The following MERTK variants were observed in gnomAD, a reference collection of about 807,000 sequenced individuals.
MERTK encodes the protein tyrosine-protein kinase Mer.
Under a neutral mutation model 99.3 loss-of-function variants are expected in MERTK, and 69 were observed. That is an observed-to-expected ratio of 0.70 (90% CI 0.57 to 0.85). The LOEUF (loss-of-function observed/expected upper bound fraction) is 0.85, where lower values mean the gene tolerates loss of function less well. Among genes scored for constraint, MERTK ranks in the 40% least tolerant of loss-of-function variants. The pLI is 0.00. For missense variants in MERTK, 1,125 were observed against 1,249.4 expected (o/e 0.90, Z 1.50); for synonymous variants, 426 against 467.6 (o/e 0.91, Z 1.15).
chr2:111,898,857 C>T, intron 1 of MERTK, 61 bp downstream of exon 1: 1 of 1,512,880 alleles, frequency 6.6e-7, no homozygotes. Flanking sequence ...GAAGCAGGGG[C>T]CTCTGGGGAG....
rs1684940656 is a variant in MERTK at position 111,945,071 on chromosome 2, A to G, written c.583+11A>G. ...ACATCGAAGTACAAGGTAAGTCCACAGACCAGAGTCCCATTGCCAGAGAAC... is the reference window on the plus strand; with the variant it reads ...ACATCGAAGTACAAGGTAAGTCCACGGACCAGAGTCCCATTGCCAGAGAAC... On this transcript the variant is annotated intron_variant, in intron 3 of 18. Transcript: ENST00000295408. The G allele has an allele frequency of 1.3e-6, 2 of 1,595,176 alleles. No individual in the cohort carries two copies. Among genetic ancestry groups the G allele is most frequent in the African/African-American group, 1.3e-5 (1 of 74,504 alleles).
Position 111,901,689 on chromosome 2 carries a change from A to G in MERTK, c.61+2893A>G, listed in dbSNP as rs184180362. On this transcript the variant is annotated intron_variant, in intron 1 of 18. Coordinates refer to ENST00000295408, the MANE Select transcript of MERTK (RefSeq NM_006343.3). ...TCCCACCTCAGCCTCCCAAGTAGCTATGACCACAGGCACATACCACCATGC... is the reference window on the plus strand; with the variant it reads ...TCCCACCTCAGCCTCCCAAGTAGCTGTGACCACAGGCACATACCACCATGC... Among the ~76,000 whole-genome samples the G allele has an allele frequency of 4.3e-3, 649 of 149,914 alleles. 5 individuals carry two copies. Among genetic ancestry groups the G allele is most frequent in the African/African-American group, 0.014 (554 of 40,642 alleles).
rs912979360 is a variant in MERTK at position 112,028,341 on chromosome 2, T to G, written c.2487-10T>G. ...TGCTGGGAGACAATCCACTTCTTTT[T>G]AACTTTCAGGTATGAAATAATGTAC... On this transcript the variant is annotated splice_polypyrimidine_tract_variant and intron_variant, in intron 18 of 18. Coordinates refer to ENST00000295408, the MANE Select transcript of MERTK (RefSeq NM_006343.3). 2 of 1,614,040 alleles carry G rather than the reference T, an allele frequency of 1.2e-6. No individual in the cohort carries two copies. The highest frequency in any genetic ancestry group is 2.2e-5 in the South Asian group (2 of 91,086).
intron 4 of MERTK, among the ~76,000 whole-genome samples, chr2:111,954,303 C>A (rs181558419): frequency 6.6e-6 from 1 of 152,184 alleles, no homozygotes; most frequent in Non-Finnish European, 1.5e-5. Context: ...GTCTGGCAAA[C>A]CCCTGTTCAC....
Position 111,919,799 on chromosome 2 carries a change from C to CT in MERTK, c.62-9304dup, listed in dbSNP as rs5833425. Among the ~76,000 whole-genome samples, 1,265 of 130,398 alleles carry CT rather than the reference C, an allele frequency of 9.7e-3. 25 individuals are homozygous for CT. The highest frequency in any genetic ancestry group is 0.043 in the East Asian group (196 of 4,550). The allele number at this position is 130,398 out of a possible 152,430, so 85.5% of individuals were successfully genotyped here. ...TTTTGATGTTTTTTCTTTTTCTTTT[C>CT]TTTTTTTTTTTTTTTTTGAGCCAAA... On this transcript the variant is annotated intron_variant, in intron 1 of 18. Transcript: ENST00000295408.
intron 2 of MERTK, among the ~76,000 whole-genome samples, chr2:111,931,937 T>C (rs1684679520): frequency 6.6e-6 from 1 of 152,144 alleles, no homozygotes; most frequent in East Asian, 1.9e-4. Flanking sequence ...CCATGAGCTG[T>C]TCAGAGGACT....
intron 9 of MERTK, 141 bp downstream of exon 9, chr2:111,994,545 A>G: frequency 8.1e-7 from 1 of 1,234,216 alleles, no homozygotes; most frequent in South Asian, 1.2e-5. Flanking sequence ...TCAGGAGGCA[A>G]AAGCAGGAGG....
rs568698173 is a variant in MERTK at position 111,950,244 on chromosome 2, A to G, written c.757+2677A>G. Among the ~76,000 whole-genome samples the G allele has an allele frequency of 5.5e-4, 84 of 152,212 alleles. 2 individuals are homozygous for G. Among genetic ancestry groups the G allele is most frequent in the African/African-American group, 1.9e-3 (81 of 41,540 alleles). On this transcript the variant is annotated intron_variant, in intron 4 of 18. Coordinates refer to ENST00000295408, the MANE Select transcript of MERTK (RefSeq NM_006343.3). The stretch of plus-strand genomic sequence containing the variant: ...AGCCACCGTGCCTGGCCAGTACATC[A>G]TTTTTTATTGCTGATATAGTACTCT...
intron 1 of MERTK, among the ~76,000 whole-genome samples, chr2:111,916,461 C>A (rs192185742): frequency 6.6e-6 from 1 of 152,028 alleles, no homozygotes; most frequent in African/African-American, 2.4e-5. Context: ...CCGATTCTTT[C>A]TTTTGTTCCC....
rs1685395775 is a variant in MERTK at position 111,968,205 on chromosome 2, G to A, written c.913G>A (p.Val305Ile). Residue 305 changes from valine to isoleucine, a missense_variant, in exon 6 of 19, where the codon GTT becomes ATT. Transcript: ENST00000295408. ...STAHSILISW[V>I]PGFDGYSPFR... is the part of the protein sequence containing the mutation. ...TGCACACAGCATTCTGATCTCCTGG[G>A]TTCCTGGTTTTGATGGATACTCCCC... 4.3e-6 allele frequency: 7 copies of A among 1,613,992 alleles called. No individual in the cohort carries two copies. The Middle Eastern group carries it at 4.9e-4, about 114-fold the overall frequency.
In MERTK at chr2:112,001,232, G is replaced by A; in HGVS notation, c.1636G>A (p.Val546Met). The A allele has an allele frequency of 1.2e-6, 2 of 1,613,778 alleles. No homozygotes were observed. Among genetic ancestry groups the A allele is most frequent in the Non-Finnish European group, 8.5e-7 (1 of 1,179,720 alleles). ...NAFTEEDSELVVNYIAKKSFC... is the reference protein window; with the variant it reads ...NAFTEEDSELMVNYIAKKSFC... Reference sequence around the variant, plus strand: ...ATTCACAGAGGAGGATTCTGAATTAGTGGTGAATTATATAGCAAAGAAATC... The same window carrying A: ...ATTCACAGAGGAGGATTCTGAATTAATGGTGAATTATATAGCAAAGAAATC... Residue 546 changes from valine (V) to methionine (M), a missense_variant, in exon 11 of 19, where the codon GTG becomes ATG. Coordinates refer to ENST00000295408, the MANE Select transcript of MERTK (RefSeq NM_006343.3).
chr2:111,902,377 A>G (rs987263855), intron 1 of MERTK, among the ~76,000 whole-genome samples: 7 of 152,192 alleles, frequency 4.6e-5, no homozygotes, highest in African/African-American at 1.7e-4. Context: ...TTTCCATATA[A>G]TAGCCAGAAT....
intron 4 of MERTK, among the ~76,000 whole-genome samples, chr2:111,964,322 C>CT (rs1013968034): frequency 1.3e-5 from 2 of 151,826 alleles, no homozygotes; most frequent in Non-Finnish European, 2.9e-5. Flanking sequence ...ATTGGGAACT[C>CT]TTTGAGTTAG....
intron 6 of MERTK, among the ~76,000 whole-genome samples, chr2:111,969,934 G>A (rs1339738429): frequency 1.3e-5 from 2 of 151,854 alleles, no homozygotes; most frequent in Admixed American, 1.3e-4. Flanking sequence ...CTCATGATCC[G>A]CCTGTCCCGG....
intron 1 of MERTK, among the ~76,000 whole-genome samples, chr2:111,909,316 A>G (rs576633801): frequency 6.6e-6 from 1 of 152,328 alleles, no homozygotes; most frequent in South Asian, 2.1e-4. Context: ...CTGGAATGTA[A>G]TGAAAGCCCA....
At chr2:111,989,034 A>C (rs1343831343) in intron 8 of MERTK, among the ~76,000 whole-genome samples, 1 of 152,196 alleles carries the variant, frequency 6.6e-6, no homozygotes, top group East Asian at 1.9e-4. Flanking sequence ...CCGCAGAGTC[A>C]TAAAGGTTGG....
intron 7 of MERTK, among the ~76,000 whole-genome samples, chr2:111,981,155 A>G (rs900240546): frequency 6.6e-6 from 1 of 152,214 alleles, no homozygotes; most frequent in East Asian, 1.9e-4. Context: ...AGAGGGTTAT[A>G]GTATCCTTTC....
intron 1 of MERTK, among the ~76,000 whole-genome samples, chr2:111,920,763 C>T (rs1359794287): frequency 6.6e-6 from 1 of 152,024 alleles, no homozygotes; most frequent in Non-Finnish European, 1.5e-5. Context: ...AAGCAATTCT[C>T]CCTGCCTCAC....
In MERTK at chr2:112,008,537, A is replaced by G. The variant is rs768352034; in HGVS notation, c.1960+62A>G. Reference sequence around the variant, plus strand: ...GGCTCTGCTGATCTGCTCTGTGCCAAAGGAAAAAATCTCTGGTGTAGATAA... The same window carrying G: ...GGCTCTGCTGATCTGCTCTGTGCCAGAGGAAAAAATCTCTGGTGTAGATAA... On this transcript the variant is annotated intron_variant, in intron 14 of 18. Transcript: ENST00000295408. 16 of 1,258,934 alleles carry G rather than the reference A, an allele frequency of 1.3e-5. No homozygotes were observed. In the East Asian group the frequency reaches 3.7e-4, roughly 29 times the overall value. 78.0% of individuals were successfully genotyped at this position (1,258,934 alleles called of 1,614,324 possible).
Sources: gnomAD v4.1 joint callset for allele counts (sites outside exome capture counted in the v4.1 genomes callset) on GRCh38, gnomAD v4.1.1 for gene constraint, MANE v1.5 for transcripts, NCBI Gene and HGNC (gene_info 2026-07-23, HGNC 2026-07-21) for gene names.